Variants in NUTF2 observed in about 807,000 individuals in gnomAD.
The protein encoded by NUTF2 is placental protein 15.
In NUTF2, 3 loss-of-function variants were observed where a neutral mutation model predicts 18.5. The observed-to-expected ratio is 0.16, with a 90% CI of 0.07 to 0.42. NUTF2 has a LOEUF of 0.42. Ranked by LOEUF, NUTF2 falls within the 10% of genes least tolerant of loss-of-function variation. The pLI is 0.99. For synonymous variants in NUTF2, 51 were observed against 57.9 expected, an observed-to-expected ratio of 0.88 and a Z score of 0.54; for missense variants, 44 against 160.7, an observed-to-expected ratio of 0.27 and a Z score of 3.93.
rs1028241820 is a variant in NUTF2 at position 67,859,907 on chromosome 16, G to A, written c.-29-5195G>A. Among the ~76,000 whole-genome samples the A allele has an allele frequency of 5.7e-5, 8 of 139,994 alleles. No homozygotes were observed. In the East Asian group the frequency reaches 1.6e-3, roughly 28 times the overall value. The allele number at this position is 139,994 out of a possible 152,430, so 91.8% of individuals were successfully genotyped here. A position where few individuals can be genotyped will look rare whatever the true frequency, so the allele number is the denominator to read the frequency against. On this transcript the variant is annotated intron_variant, in intron 1 of 4. Transcript: ENST00000219169. ...TGCAGCCTCCACCTCTCGGGTTCAAGCAATTCTGCCTCAGCCTCCCGGGTA... is the reference window on the plus strand; with the variant it reads ...TGCAGCCTCCACCTCTCGGGTTCAAACAATTCTGCCTCAGCCTCCCGGGTA...
Position 67,854,574 on chromosome 16 carries a change from C to T in NUTF2, c.-30+7589C>T, listed in dbSNP as rs541426607. On this transcript the variant is annotated intron_variant, in intron 1 of 4. Transcript: ENST00000219169. ...ATTCAGACCATTTTCGTTGAGGCCTCCAGGACAGAGGAATAGTCCTTTTGG... is the reference window on the plus strand; with the variant it reads ...ATTCAGACCATTTTCGTTGAGGCCTTCAGGACAGAGGAATAGTCCTTTTGG... Among the ~76,000 whole-genome samples the T allele has an allele frequency of 6.8e-4, 103 of 152,210 alleles. 1 individual carries two copies. Among genetic ancestry groups the T allele is most frequent in the Non-Finnish European group, 1.0e-3 (70 of 68,036 alleles).
At chr16:67,868,709 T>C in intron 4 of NUTF2, 110 bp downstream of exon 4, 2 of 1,036,394 alleles carry the variant, frequency 1.9e-6, no homozygotes, top group South Asian at 2.8e-5. Flanking sequence ...CCAGACAAAG[T>C]GACTGTCTAG....
chr16:67,858,217 G>A (rs528496099), intron 1 of NUTF2, among the ~76,000 whole-genome samples: 14 of 152,342 alleles, frequency 9.2e-5, no homozygotes, highest in Admixed American at 9.2e-4. Flanking sequence ...GCCCAGGCTG[G>A]AGTGCAATGG....
At chr16:67,848,647 C>T (rs1197970516) in intron 1 of NUTF2, among the ~76,000 whole-genome samples, 1 of 151,260 alleles carries the variant, frequency 6.6e-6, no homozygotes, top group Non-Finnish European at 1.5e-5. Flanking sequence ...GAGGCTGAGG[C>T]AGGAGAATCG....
At chr16:67,855,612 C>T (rs183284849) in intron 1 of NUTF2, among the ~76,000 whole-genome samples, 4 of 152,140 alleles carry the variant, frequency 2.6e-5, no homozygotes, top group East Asian at 1.9e-4. Flanking sequence ...CTTAAAGTCT[C>T]GAATGATTCC....
chr16:67,864,952 C>T, intron 1 of NUTF2, 150 bp from the exon 2 acceptor site: 1 of 575,396 alleles, frequency 1.7e-6, no homozygotes, highest in Non-Finnish European at 3.1e-6. Context: ...GGAGGGGTCT[C>T]CTGCCAGTTC....
At chr16:67,856,955 G>A (rs1456395829) in intron 1 of NUTF2, among the ~76,000 whole-genome samples, 1 of 152,214 alleles carries the variant, frequency 6.6e-6, no homozygotes, top group Non-Finnish European at 1.5e-5. Context: ...GGCTTGTTGT[G>A]AGACTCAAGT....
At chr16:67,857,674 A>G (rs1011948178) in intron 1 of NUTF2, among the ~76,000 whole-genome samples, 1 of 152,248 alleles carries the variant, frequency 6.6e-6, no homozygotes, top group Non-Finnish European at 1.5e-5. Context: ...CAAAGGGTCA[A>G]ATAACAAGGG....
intron 1 of NUTF2, among the ~76,000 whole-genome samples, chr16:67,861,089 C>G (rs887915012): frequency 6.6e-6 from 1 of 152,160 alleles, no homozygotes; most frequent in Non-Finnish European, 1.5e-5. Context: ...TGTCTCCAGG[C>G]CCACGTTGTC....
At chr16:67,847,239 G>A (rs932475330) in intron 1 of NUTF2, 2 of 152,294 alleles carry the variant, frequency 1.3e-5, no homozygotes, top group Non-Finnish European at 2.9e-5. Context: ...CTGGTGGCTG[G>A]TGCACCGGCC....
chr16:67,866,758 C>T (rs528239026), intron 2 of NUTF2, among the ~76,000 whole-genome samples: 30 of 151,526 alleles, frequency 2.0e-4, no homozygotes, highest in African/African-American at 6.8e-4. Context: ...TAAGCCACCG[C>T]GCCCGGCTAC....
intron 1 of NUTF2, among the ~76,000 whole-genome samples, chr16:67,856,653 C>T (rs1033246074): frequency 6.6e-6 from 1 of 151,956 alleles, no homozygotes; most frequent in Non-Finnish European, 1.5e-5. Flanking sequence ...GGATTACAGG[C>T]GCCTGCCACC....
intron 1 of NUTF2, among the ~76,000 whole-genome samples, chr16:67,861,161 A>G (rs1009500887): frequency 2.0e-5 from 3 of 152,202 alleles, no homozygotes; most frequent in Non-Finnish European, 2.9e-5. Flanking sequence ...ACCACCTATC[A>G]GCTGCTGACC....
chr16:67,868,088 A>G (rs145209652), intron 2 of NUTF2, among the ~76,000 whole-genome samples: 1 of 152,346 alleles, frequency 6.6e-6, no homozygotes, highest in African/African-American at 2.4e-5. Context: ...ATCAGAGACC[A>G]TATGACTTCT....
intron 1 of NUTF2, among the ~76,000 whole-genome samples, chr16:67,852,303 CA>C (rs35082713): frequency 6.7e-6 from 1 of 149,214 alleles, no homozygotes. Context: ...ACCCTGTCTC[CA>C]AAAAAAAGGC....
intron 1 of NUTF2, among the ~76,000 whole-genome samples, chr16:67,858,989 A>G (rs949657779): frequency 2.8e-5 from 4 of 145,272 alleles, no homozygotes; most frequent in Middle Eastern, 3.6e-3. Context: ...GGCATATTCC[A>G]CTATGTCCAG....
At chr16:67,867,440 A>G (rs13334918) in intron 2 of NUTF2, among the ~76,000 whole-genome samples, 46,425 of 152,154 alleles carry the variant, frequency 0.31, 10,425 homozygotes, top group African/African-American at 0.64. Context: ...AAGCAGCAGA[A>G]GCCCTTTTGA....
intron 1 of NUTF2, among the ~76,000 whole-genome samples, chr16:67,858,841 C>T (rs2057915233): frequency 6.6e-6 from 1 of 151,890 alleles, no homozygotes. Context: ...CAGTGTCTTC[C>T]TGTCTGGTTG....
intron 1 of NUTF2, among the ~76,000 whole-genome samples, chr16:67,862,210 C>T (rs1344694663): frequency 6.6e-6 from 1 of 152,062 alleles, no homozygotes; most frequent in Non-Finnish European, 1.5e-5. Context: ...AAGAGACGGG[C>T]CTTGACCAGA....
Sources: allele counts gnomAD v4.1 joint callset (sites outside exome capture counted in the v4.1 genomes callset), GRCh38; gene constraint gnomAD v4.1.1; transcripts MANE v1.5; gene names NCBI Gene and HGNC (gene_info 2026-07-23, HGNC 2026-07-21).